SASS6: variants seen among roughly 807,000 people sequenced by gnomAD.
The protein encoded by SASS6 is spindle assembly abnormal protein 6 homolog.
In SASS6, 59 loss-of-function variants were observed where a neutral mutation model predicts 94.9. That is an observed-to-expected ratio of 0.62 (90% CI 0.50 to 0.77). The LOEUF (loss-of-function observed/expected upper bound fraction) is 0.77, where lower values mean the gene tolerates loss of function less well. SASS6 is among the 30% of genes least tolerant of loss of function. SASS6 has a pLI of 0.00. For synonymous variants in SASS6, 264 were observed against 270.0 expected, an observed-to-expected ratio of 0.98 and a Z score of 0.22; for missense variants, 698 against 734.1, an observed-to-expected ratio of 0.95 and a Z score of 0.57.
At position 100,107,714 on chromosome 1, in the gene SASS6, C is replaced by G. The variant is rs761153653; in HGVS notation, c.1060G>C (p.Val354Leu). 6.3e-7 allele frequency: 1 copy of G among 1,592,078 alleles called. No individual in the cohort carries two copies. Among genetic ancestry groups the G allele is most frequent in the Admixed American group, 1.7e-5 (1 of 58,862 alleles). Residue 354 changes from valine (V) to leucine (L), a missense_variant, in exon 10 of 17, where the codon GTT (valine) becomes CTT (leucine). Val to Leu is a conservative substitution (Grantham distance 32, BLOSUM62 1). Coordinates refer to ENST00000287482, the MANE Select transcript of SASS6 (RefSeq NM_194292.3). ...TTTTTCTCACCATTTTCTTCTAAAA[C>G]CACCTGATATATTTTTTAAAAACAT... is the stretch of plus-strand genomic sequence containing the variant. ...AFDTIQEQKV[V>L]LEENGEKNQV...
chr1:100,122,547 G>A, intron 3 of SASS6, 63 bp from the exon 4 acceptor site: 2 of 423,008 alleles, frequency 4.7e-6, no homozygotes, highest in Admixed American at 5.5e-5. Context: ...TTGTTTTGGT[G>A]CCTTTTTTTT....
intron 7 of SASS6, among the ~76,000 whole-genome samples, chr1:100,118,327 A>G (rs964681909): frequency 1.4e-5 from 2 of 146,568 alleles, no homozygotes; most frequent in Non-Finnish European, 3.0e-5. Context: ...AAAAAAAAAA[A>G]GAAGAATTAA....
chr1:100,085,953 G>T (rs1246531707), intron 15 of SASS6, among the ~76,000 whole-genome samples: 1 of 152,142 alleles, frequency 6.6e-6, no homozygotes, highest in Non-Finnish European at 1.5e-5. Flanking sequence ...TGCCTTGAGA[G>T]TAACACTATT....
intron 9 of SASS6, 23 bp from the exon 10 acceptor site, chr1:100,107,740 G>A: frequency 2.6e-6 from 4 of 1,552,028 alleles, no homozygotes; most frequent in Non-Finnish European, 3.5e-6. Flanking sequence ...TTAAAAACAT[G>A]AATAATTAGG....
intron 16 of SASS6, 25 bp downstream of exon 16, chr1:100,085,511 C>T (rs1274223797): frequency 1.3e-6 from 2 of 1,594,360 alleles, no homozygotes; most frequent in Non-Finnish European, 1.7e-6. Context: ...CTATAAAGTA[C>T]AAAAATCCAG....
In SASS6 at chr1:100,106,900, T is replaced by G. The variant is rs757602566; in HGVS notation, c.1408+12A>C. On this transcript the variant is annotated intron_variant, in intron 12 of 16. Coordinates refer to ENST00000287482, the MANE Select transcript of SASS6 (RefSeq NM_194292.3). Reference sequence around the variant, plus strand: ...TACAAACCTCATTTACATTAACACGTAACATACTTACACTTTTCATTATTT... The same window carrying G: ...TACAAACCTCATTTACATTAACACGGAACATACTTACACTTTTCATTATTT... 1 of 1,081,790 alleles carries G rather than the reference T, an allele frequency of 9.2e-7. No homozygotes were observed. The highest frequency in any genetic ancestry group is 1.9e-5 in the Admixed American group (1 of 53,878). The allele number at this position is 1,081,790 out of a possible 1,614,324, so 67.0% of individuals were successfully genotyped here.
At chr1:100,124,882 T>G (rs1483144847) in intron 2 of SASS6, among the ~76,000 whole-genome samples, 1 of 152,166 alleles carries the variant, frequency 6.6e-6, no homozygotes, top group Non-Finnish European at 1.5e-5. Flanking sequence ...ACAATAGGGT[T>G]TGCACTCCTA....
At chr1:100,119,841 C>A (rs189465564) in intron 6 of SASS6, among the ~76,000 whole-genome samples, 123 of 152,314 alleles carry the variant, frequency 8.1e-4, no homozygotes, top group African/African-American at 2.7e-3. Flanking sequence ...GCTTGTACAG[C>A]CTACAGAACA....
intron 3 of SASS6, among the ~76,000 whole-genome samples, chr1:100,122,831 G>T (rs615891): frequency 5.9e-5 from 9 of 152,126 alleles, no homozygotes; most frequent in Admixed American, 4.6e-4. Flanking sequence ...GATTACAGGC[G>T]TGAGCCACCG....
At position 100,107,391 on chromosome 1, in the gene SASS6, G is replaced by A. The variant is rs1004559992; in HGVS notation, c.1309C>T (p.Arg437Ter). ...TTAACTACCTCTTGCTCTTTAATTC[G>A]AAGAGACTGTCCAACATCTTGTAAT... ...KELQDVGQSLRIKEQEVCKLQ... is the reference protein window; with the variant it reads ...KELQDVGQSL Residue 437 changes from arginine to a stop codon, truncating the protein, a stop_gained, in exon 11 of 17, where the codon CGA becomes TGA. Coordinates refer to ENST00000287482, the MANE Select transcript of SASS6 (RefSeq NM_194292.3). LOFTEE classifies it high-confidence loss of function. The A allele has an allele frequency of 3.1e-6, 5 of 1,597,046 alleles. No individual in the cohort carries two copies. The highest frequency in any genetic ancestry group is 4.3e-6 in the Non-Finnish European group (5 of 1,171,062).
intron 15 of SASS6, among the ~76,000 whole-genome samples, chr1:100,087,386 TGTAGAACTA>T (rs1368599465): frequency 6.6e-6 from 1 of 152,240 alleles, no homozygotes; most frequent in Admixed American, 6.5e-5. Flanking sequence ...TAGTTTGTAA[TGTAGAACTA>T]GGATGGTGAT....
chr1:100,091,897 A>G (rs1651726343), intron 14 of SASS6, among the ~76,000 whole-genome samples: 1 of 150,688 alleles, frequency 6.6e-6, no homozygotes, highest in African/African-American at 2.4e-5. Flanking sequence ...ATATTTGACT[A>G]CATGGGAGGC....
chr1:100,092,930 GATA>G (rs1420436504), intron 14 of SASS6, among the ~76,000 whole-genome samples: 1 of 151,972 alleles, frequency 6.6e-6, no homozygotes, highest in African/African-American at 2.4e-5. Flanking sequence ...TAGATTGTCT[GATA>G]ATGTCTCCAA....
chr1:100,102,971 G>T lies in SASS6; in HGVS notation c.1658C>A (p.Pro553His). ...HSISAKNTSH[P>H]GSGTKVQFNL... ...TTTGGCTACCTTTGTTCCTGAACCA[G>T]GGTGGCTGGTATTTTTGGCAGATAT... The change falls in exon 14 of 17, where the codon CCT becomes CAT. Residue 553 changes from proline (P) to histidine (H), a missense_variant. Transcript: ENST00000287482. The T allele has an allele frequency of 6.2e-7, 1 of 1,612,212 alleles. No homozygotes were observed. Among genetic ancestry groups the T allele is most frequent in the South Asian group, 1.1e-5 (1 of 90,744 alleles).
intron 14 of SASS6, among the ~76,000 whole-genome samples, chr1:100,090,376 G>A (rs1416272064): frequency 1.3e-5 from 2 of 152,148 alleles, no homozygotes; most frequent in Non-Finnish European, 2.9e-5. Context: ...CTAGGCATAA[G>A]AGAGCCAGAA....
At chr1:100,110,679 C>T (rs1653258102) in intron 7 of SASS6, among the ~76,000 whole-genome samples, 196 bp from the exon 8 acceptor site, 1 of 151,736 alleles carries the variant, frequency 6.6e-6, no homozygotes, top group African/African-American at 2.4e-5. Flanking sequence ...ACGGAGAAAG[C>T]AAGGTCAACA....
intron 7 of SASS6, among the ~76,000 whole-genome samples, chr1:100,112,355 AAAT>A (rs1369753414): frequency 6.6e-6 from 1 of 152,146 alleles, no homozygotes; most frequent in Non-Finnish European, 1.5e-5. Context: ...AGAATTAAGA[AAAT>A]AATACAATAA....
chr1:100,132,415 TA>T (rs1655125697), intron 1 of SASS6, among the ~76,000 whole-genome samples: 6 of 152,136 alleles, frequency 3.9e-5, no homozygotes, highest in Admixed American at 3.3e-4. Context: ...AGCCCTCACG[TA>T]AATTTTTTTA....
Position 100,126,865 on chromosome 1 carries a change from C to T in SASS6, c.66-923G>A, listed in dbSNP as rs1308665973. Among the ~76,000 whole-genome samples, 10 of 152,232 alleles carry T rather than the reference C, an allele frequency of 6.6e-5. No homozygotes were observed. In the East Asian group the frequency reaches 1.7e-3, roughly 26 times the overall value. ...AATCAAGGAAATAACATATTCCCTA[C>T]ATTTATTCATACAAAAACGTATTTT... On this transcript the variant is annotated intron_variant, in intron 1 of 16. Transcript: ENST00000287482.
Sources: allele counts gnomAD v4.1 joint callset (sites outside exome capture counted in the v4.1 genomes callset), GRCh38; gene constraint gnomAD v4.1.1; transcripts MANE v1.5; gene names NCBI Gene and HGNC (gene_info 2026-07-23, HGNC 2026-07-21).